The following KIF13B variants were observed in gnomAD, a reference collection of about 807,000 sequenced individuals.
The protein encoded by KIF13B is kinesin family member 13B.
KIF13B carries 127 observed loss-of-function variants against 222.0 expected under a neutral mutation model. The ratio of observed to expected loss-of-function variants is 0.57; its 90% CI spans 0.50 to 0.66. KIF13B has a LOEUF of 0.66. Among genes scored for constraint, KIF13B ranks in the 30% least tolerant of loss-of-function variants. The pLI is 0.00. For synonymous variants in KIF13B, 976 were observed against 919.0 expected (o/e 1.06, Z -1.12); for missense variants, 2,173 against 2,379.0 (o/e 0.91, Z 1.80).
chr8:29,189,814 T>G (rs79054668), intron 4 of KIF13B: 1 of 152,268 alleles, frequency 6.6e-6, no homozygotes. Context: ...CCCGGCCTCA[T>G]GTAAGAGCTG....
intron 26 of KIF13B, among the ~76,000 whole-genome samples, chr8:29,124,516 G>A (rs1306147452): frequency 1.3e-5 from 2 of 152,186 alleles, no homozygotes; most frequent in African/African-American, 2.4e-5. Context: ...GGGAGGCTGA[G>A]GCAGGTGAAT....
chr8:29,092,616 C>T (rs1808349987), intron 37 of KIF13B, 129 bp downstream of exon 37: 1 of 891,868 alleles, frequency 1.1e-6, no homozygotes, highest in Non-Finnish European at 1.7e-6. Flanking sequence ...AGACCGACAG[C>T]TGTTTCTGGG....
At chr8:29,101,542 A>G (rs1435003382) in intron 35 of KIF13B, among the ~76,000 whole-genome samples, 2 of 152,120 alleles carry the variant, frequency 1.3e-5, no homozygotes, top group African/African-American at 4.8e-5. Flanking sequence ...TCTTCCCAGC[A>G]GGCACTACCC....
At chr8:29,122,473 A>T (rs1797139278) in intron 29 of KIF13B, 118 bp downstream of exon 29, 1 of 766,834 alleles carries the variant, frequency 1.3e-6, no homozygotes. Context: ...ACACACGTCA[A>T]ACTGGCTCTA....
At chr8:29,119,224 T>C (rs1304337759) in intron 29 of KIF13B, among the ~76,000 whole-genome samples, 11 of 152,186 alleles carry the variant, frequency 7.2e-5, no homozygotes, top group Non-Finnish European at 4.4e-5. Flanking sequence ...CCTTATTTTA[T>C]AGGGAAGGCA....
chr8:29,092,723 C>T, intron 37 of KIF13B, 22 bp downstream of exon 37: 1 of 1,599,232 alleles, frequency 6.3e-7, no homozygotes, highest in Non-Finnish European at 8.5e-7. Flanking sequence ...ACGTTCACAG[C>T]TGTTTTCTCG....
chr8:29,240,096 C>T (rs1186032413), intron 2 of KIF13B, among the ~76,000 whole-genome samples: 1 of 150,320 alleles, frequency 6.7e-6, no homozygotes, highest in African/African-American at 2.4e-5. Flanking sequence ...AGCTTTCTCC[C>T]CCAAGCTAAG....
At chr8:29,229,608 CTG>C (rs576128663) in intron 2 of KIF13B, among the ~76,000 whole-genome samples, 1 of 152,222 alleles carries the variant, frequency 6.6e-6, no homozygotes, top group Non-Finnish European at 1.5e-5. Flanking sequence ...GCTGTGCTGG[CTG>C]TGTCTGCATT....
At chr8:29,182,031 A>AT (rs1812735662) in intron 6 of KIF13B, 25 bp from the exon 7 acceptor site, 2 of 1,576,218 alleles carry the variant, frequency 1.3e-6, no homozygotes, top group Non-Finnish European at 1.7e-6. Flanking sequence ...CAAAGAAATG[A>AT]TTTTTTAACA....
At chr8:29,161,152 CTCATT>C (rs1198183747) in intron 12 of KIF13B, among the ~76,000 whole-genome samples, 23 of 152,270 alleles carry the variant, frequency 1.5e-4, no homozygotes, top group African/African-American at 5.5e-4. Flanking sequence ...TTGAATTCAT[CTCATT>C]TAACTCTGTA....
chr8:29,147,908 A>G (rs1284548003), intron 16 of KIF13B, among the ~76,000 whole-genome samples: 2 of 152,244 alleles, frequency 1.3e-5, no homozygotes, highest in African/African-American at 4.8e-5. Context: ...TCTAAAGCAG[A>G]GAAATTTGAC....
At chr8:29,240,988 C>T (rs1393157556) in intron 2 of KIF13B, among the ~76,000 whole-genome samples, 3 of 152,124 alleles carry the variant, frequency 2.0e-5, no homozygotes, top group Non-Finnish European at 4.4e-5. Context: ...TGAAAACGGA[C>T]GTCCACACAA....
chr8:29,125,251 T>C (rs1325224494), intron 26 of KIF13B, among the ~76,000 whole-genome samples: 2 of 152,110 alleles, frequency 1.3e-5, no homozygotes, highest in Non-Finnish European at 2.9e-5. Flanking sequence ...ATCAACAGAA[T>C]AACAACCTAC....
At chr8:29,139,854 C>T (rs112633975) in intron 21 of KIF13B, among the ~76,000 whole-genome samples, 4 of 152,246 alleles carry the variant, frequency 2.6e-5, no homozygotes, top group South Asian at 2.1e-4. Flanking sequence ...ATGGAGGAGG[C>T]GATTTTGCAT....
In KIF13B at chr8:29,146,447, C is replaced by A; in HGVS notation, c.2118G>T (p.Glu706Asp). The A allele has an allele frequency of 6.2e-7, 1 of 1,613,856 alleles. No individual in the cohort carries two copies. The highest frequency in any genetic ancestry group is 2.2e-5 in the East Asian group (1 of 44,884). The change falls in exon 18 of 40, where the codon GAG (glutamate) becomes GAT (aspartate). Residue 706 changes from glutamate (E) to aspartate (D), a missense_variant. Glu to Asp is a conservative substitution (Grantham distance 45). This residue lies in a region of KIF13B where 1,480 missense variants were observed against 1,722.8 expected (regional missense o/e 0.86). Transcript: ENST00000524189. The part of the protein sequence containing the change: ...LVREANYIAE[E>D]LDKRTEYKVT... ...CTTTGTATTCTGTTCTTTTATCCAG[C>A]TCCTCAGCAATGTAATTAGCTTCTC...
chr8:29,238,696 G>T (rs1284605745), intron 2 of KIF13B, among the ~76,000 whole-genome samples: 1 of 152,088 alleles, frequency 6.6e-6, no homozygotes, highest in Non-Finnish European at 1.5e-5. Context: ...GCCATCTGTG[G>T]CTACTTTCAT....
intron 31 of KIF13B, among the ~76,000 whole-genome samples, chr8:29,116,344 C>T (rs569287434): frequency 6.6e-6 from 1 of 152,322 alleles, no homozygotes; most frequent in African/African-American, 2.4e-5. Context: ...TGGCACACGT[C>T]TGTGGTCCCA....
chr8:29,229,386 T>C (rs982897609), intron 2 of KIF13B, among the ~76,000 whole-genome samples: 2 of 152,232 alleles, frequency 1.3e-5, no homozygotes, highest in Non-Finnish European at 2.9e-5. Context: ...GGAAGCCTTG[T>C]AACACCTTTG....
At chr8:29,228,480 T>G (rs1268401579) in intron 2 of KIF13B, among the ~76,000 whole-genome samples, 1 of 116,456 alleles carries the variant, frequency 8.6e-6, no homozygotes, top group South Asian at 2.7e-4. Flanking sequence ...AAAATATATA[T>G]ATATATATAT....
Sources: allele counts gnomAD v4.1 joint callset (sites outside exome capture counted in the v4.1 genomes callset), GRCh38; gene constraint gnomAD v4.1.1; regional missense constraint gnomAD v4.1.1; transcripts MANE v1.5; gene names NCBI Gene and HGNC (gene_info 2026-07-23, HGNC 2026-07-21).